DAB1: variants seen among roughly 807,000 people sequenced by gnomAD.
DAB1 encodes the protein disabled homolog 1.
DAB1 carries 15 observed loss-of-function variants against 64.6 expected under a neutral mutation model. The observed-to-expected ratio is 0.23, with a 90% CI of 0.16 to 0.36. The LOEUF (loss-of-function observed/expected upper bound fraction) is 0.36. DAB1 is among the 10% of genes least tolerant of loss of function. The pLI, the probability that DAB1 is intolerant of heterozygous loss-of-function variation, is 1.00. For missense variants in DAB1, 596 were observed against 706.7 expected, an observed-to-expected ratio of 0.84 and a Z score of 1.78; for synonymous variants, 235 against 251.9, an observed-to-expected ratio of 0.93 and a Z score of 0.64.
chr1:57,846,311 A>T (rs1653280593), intron 1 of DAB1, among the ~76,000 whole-genome samples: 1 of 152,048 alleles, frequency 6.6e-6, no homozygotes, highest in Non-Finnish European at 1.5e-5. Flanking sequence ...ACAAAAAATT[A>T]GCTGAGCGTG....
At chr1:57,850,627 TC>T (rs1327448278) in intron 1 of DAB1, among the ~76,000 whole-genome samples, 9 of 152,204 alleles carry the variant, frequency 5.9e-5, no homozygotes, top group Non-Finnish European at 1.3e-4. Context: ...GCCTGTGGGC[TC>T]TGGAGGGAGC....
At chr1:57,814,893 C>T (rs1446900293) in intron 6 of DAB1, among the ~76,000 whole-genome samples, 1 of 152,066 alleles carries the variant, frequency 6.6e-6, no homozygotes, top group Non-Finnish European at 1.5e-5. Flanking sequence ...TCTTCTCATA[C>T]CTAAAATGGG....
chr1:58,205,964 CTGAG>C (rs1001624574), intron 4 of DAB1, among the ~76,000 whole-genome samples: 8 of 152,120 alleles, frequency 5.3e-5, no homozygotes, highest in Admixed American at 6.6e-5. Flanking sequence ...AACTGGCCAG[CTGAG>C]TATTTTTTTT....
At chr1:58,354,603 T>G (rs937777483) in intron 3 of DAB1, among the ~76,000 whole-genome samples, 1 of 152,184 alleles carries the variant, frequency 6.6e-6, no homozygotes, top group Non-Finnish European at 1.5e-5. Flanking sequence ...CACACGTGTC[T>G]CTTATGTGTC....
intron 7 of DAB1, among the ~76,000 whole-genome samples, chr1:57,515,618 C>A (rs1386246342): frequency 6.6e-6 from 1 of 152,156 alleles, no homozygotes. Context: ...GGATAGTCAA[C>A]CAGATTGCTG....
At chr1:58,433,584 AGAGAGAGAGAGAGT>A (rs56898426) in intron 3 of DAB1, among the ~76,000 whole-genome samples, 10,913 of 134,678 alleles carry the variant, frequency 0.081, 582 homozygotes, top group East Asian at 0.24. Context: ...AGAGAGAGAG[AGAGAGAGAGAGAGT>A]GTGTGTGTGT....
At chr1:57,478,195 C>A (rs1019002525) in intron 7 of DAB1, among the ~76,000 whole-genome samples, 1 of 152,044 alleles carries the variant, frequency 6.6e-6, no homozygotes, top group Non-Finnish European at 1.5e-5. Context: ...CTAGTAAATG[C>A]GCTAACTGTA....
intron 1 of DAB1, among the ~76,000 whole-genome samples, chr1:57,373,982 T>C (rs902957184): frequency 2.6e-5 from 4 of 152,010 alleles, no homozygotes; most frequent in Admixed American, 1.3e-4. Context: ...AGTATGCACA[T>C]TTTTTTTGAG....
At chr1:58,085,078 G>A (rs1650221303) in intron 5 of DAB1, among the ~76,000 whole-genome samples, 1 of 152,112 alleles carries the variant, frequency 6.6e-6, no homozygotes, top group Admixed American at 6.5e-5. Context: ...TGAAAGAATG[G>A]TTATTTTATC....
chr1:57,995,507 T>A (rs1274397703), intron 5 of DAB1, among the ~76,000 whole-genome samples: 2 of 152,200 alleles, frequency 1.3e-5, no homozygotes, highest in African/African-American at 4.8e-5. Flanking sequence ...CATCTATATT[T>A]AATGAGGCAC....
chr1:57,025,983 G>C lies in DAB1; in HGVS notation c.784C>G (p.Pro262Ala). 6.3e-7 allele frequency: 1 copy of C among 1,581,004 alleles called. No homozygotes were observed. The highest frequency in any genetic ancestry group is 2.4e-5 in the East Asian group (1 of 42,336). ...MSTPPDITSP[P>A]TPATPGDAFI... Reference sequence around the variant, plus strand: ...TTCAGAGAGCAATGCATACTTACGGGGGGAGAGGTTATATCAGGGGGTGTG... The same window carrying C: ...TTCAGAGAGCAATGCATACTTACGGCGGGAGAGGTTATATCAGGGGGTGTG... Residue 262 changes from proline to alanine, a missense_variant and splice_region_variant, in exon 10 of 15, where the codon CCC (proline) becomes GCC (alanine). Physicochemically the swap from Pro to Ala is conservative, Grantham distance 27. Around this residue, in one of 3 missense-constraint regions of DAB1, gnomAD observed 377 missense variants for 400.4 expected, o/e 0.94. Transcript: ENST00000371236.
chr1:57,671,339 G>A (rs1339272193), intron 6 of DAB1, among the ~76,000 whole-genome samples: 2 of 152,070 alleles, frequency 1.3e-5, no homozygotes, highest in African/African-American at 4.8e-5. Context: ...GTATAACCAT[G>A]TAAAATGCAA....
At chr1:57,711,164 T>G (rs927968256) in intron 6 of DAB1, among the ~76,000 whole-genome samples, 21 of 152,228 alleles carry the variant, frequency 1.4e-4, no homozygotes, top group Admixed American at 1.2e-3. Context: ...TGCCCTTTCA[T>G]TAGTTTTATC....
At chr1:57,613,213 A>G (rs1372793759) in intron 7 of DAB1, among the ~76,000 whole-genome samples, 1 of 152,212 alleles carries the variant, frequency 6.6e-6, no homozygotes, top group Non-Finnish European at 1.5e-5. Flanking sequence ...CTGAGCTTAT[A>G]GTAAAGAAGT....
chr1:58,295,632 T>C (rs1184866281), intron 4 of DAB1, among the ~76,000 whole-genome samples: 1 of 151,990 alleles, frequency 6.6e-6, no homozygotes, highest in Non-Finnish European at 1.5e-5. Flanking sequence ...GAAAGAAGAG[T>C]AGATGAGAGA....
intron 3 of DAB1, among the ~76,000 whole-genome samples, chr1:58,453,015 C>T (rs145475324): frequency 0.012 from 1,855 of 152,226 alleles, 22 homozygotes; most frequent in Non-Finnish European, 0.018. Context: ...AACAATGCGG[C>T]GTGGATAAAC....
intron 2 of DAB1, among the ~76,000 whole-genome samples, chr1:57,250,965 TCA>T (rs1322682043): frequency 6.6e-6 from 1 of 152,206 alleles, no homozygotes; most frequent in East Asian, 1.9e-4. Flanking sequence ...TCTTACTATC[TCA>T]GAGTTCATAG....
intron 1 of DAB1, among the ~76,000 whole-genome samples, chr1:57,882,071 C>CCTTTAAAAAATCTCT (rs1553139019): frequency 1.3e-5 from 2 of 152,034 alleles, no homozygotes; most frequent in Non-Finnish European, 2.9e-5. Flanking sequence ...ACCTAAAGAG[C>CCTTTAAAAAATCTCT]CTTTAAAAAG....
At chr1:57,216,300 C>A (rs1233421219) in intron 2 of DAB1, among the ~76,000 whole-genome samples, 1 of 152,082 alleles carries the variant, frequency 6.6e-6, no homozygotes, top group African/African-American at 2.4e-5. Flanking sequence ...GGTAAGTGCA[C>A]ATATGGCTTC....
Sources: allele counts gnomAD v4.1 joint callset (sites outside exome capture counted in the v4.1 genomes callset), GRCh38; gene constraint gnomAD v4.1.1; regional missense constraint gnomAD v4.1.1; transcripts MANE v1.5; gene names NCBI Gene and HGNC (gene_info 2026-07-23, HGNC 2026-07-21).